Variants in RCOR2 observed in about 807,000 individuals in gnomAD.
The protein encoded by RCOR2 is REST corepressor 2.
RCOR2 carries 19 observed loss-of-function variants against 58.9 expected under a neutral mutation model. That is an observed-to-expected ratio of 0.32 (90% CI 0.23 to 0.47). RCOR2 has a LOEUF of 0.47. RCOR2 is among the 20% of genes least tolerant of loss of function. RCOR2 has a pLI of 1.00. For synonymous variants in RCOR2, 286 were observed against 278.7 expected (o/e 1.03, Z -0.26); for missense variants, 590 against 707.9 (o/e 0.83, Z 1.89).
At chr11:63,918,564 G>A (rs146118396), upstream of RCOR2, among the ~76,000 whole-genome samples, 147 of 152,320 alleles carry the variant, frequency 9.7e-4, no homozygotes, top group Non-Finnish European at 1.7e-3. Context: ...TCTGGACAAA[G>A]GAGAATGAAT....
At position 63,911,317 on chromosome 11, in the gene RCOR2, C is replaced by G. The variant is rs1002761282; in HGVS notation, c.*548G>C. 6.6e-6 allele frequency: 1 copy of G among 152,350 alleles called. No homozygotes were observed. Among genetic ancestry groups the G allele is most frequent in the African/African-American group, 2.4e-5 (1 of 41,426 alleles). 9.4% of individuals were successfully genotyped at this position (152,350 alleles called of 1,614,324 possible). ...TCCCAACCCCCATTTCTCCAAGTTT[C>G]TGGAAGGTGGGCTTGGTGGGCACCC... is the stretch of plus-strand genomic sequence containing the variant. On this transcript the variant is annotated 3_prime_UTR_variant, in exon 12 of 12. Coordinates refer to ENST00000301459, the MANE Select transcript of RCOR2 (RefSeq NM_173587.4).
rs910630414 is a variant in RCOR2, at chr11:63,917,078, TC to T, written c.-623del. ...CAGCCGCGGGTGCCGCCTCGCACCC[TC>T]CCCGGCGCGCTCGCTCTCCCCGCCG... is the stretch of plus-strand genomic sequence containing the variant. On this transcript the variant is annotated 5_prime_UTR_variant, in exon 1 of 12. Transcript: ENST00000301459. Among the ~76,000 whole-genome samples the T allele has an allele frequency of 2.0e-5, 3 of 150,694 alleles. No individual in the cohort carries two copies. In the East Asian group the frequency reaches 5.8e-4, roughly 29 times the overall value.
chr11:63,920,098 C>T (rs1436347340), upstream of RCOR2, among the ~76,000 whole-genome samples: 1 of 152,246 alleles, frequency 6.6e-6, no homozygotes, highest in Non-Finnish European at 1.5e-5. Flanking sequence ...GTGGTGGTTT[C>T]CTTGCCTGTC....
chr11:63,917,280 G>C (rs1255294930), upstream of RCOR2, among the ~76,000 whole-genome samples: 3 of 148,792 alleles, frequency 2.0e-5, no homozygotes, highest in Admixed American at 2.0e-4. Context: ...GGGGGGCGGG[G>C]CCAGGGGGCC....
In RCOR2 at chr11:63,912,855, A is replaced by T; in HGVS notation, c.969+15T>A. Reference sequence around the variant, plus strand: ...GAAACCCCCCTTTGCACCCTAACTTAAAGAGCAGCCATACCTCCGGGGGGC... The same window carrying T: ...GAAACCCCCCTTTGCACCCTAACTTTAAGAGCAGCCATACCTCCGGGGGGC... On this transcript the variant is annotated intron_variant, in intron 9 of 11. Coordinates refer to ENST00000301459, the MANE Select transcript of RCOR2 (RefSeq NM_173587.4). 2 of 1,613,222 alleles carry T rather than the reference A, an allele frequency of 1.2e-6. No homozygotes were observed. The highest frequency in any genetic ancestry group is 1.7e-6 in the Non-Finnish European group (2 of 1,179,522).
In RCOR2 at chr11:63,912,017, G is replaced by A. The variant is rs778402351; in HGVS notation, c.1420C>T (p.Arg474Cys). Residue 474 changes from arginine to cysteine, a missense_variant, in exon 12 of 12, where the codon CGC becomes TGC. Physicochemically the swap from Arg to Cys is radical, Grantham distance 180. Transcript: ENST00000301459. ...GGGGCCAGCCGGGGCTGGAGGAAGC[G>A]GCCCTGCTGCAGTGGGGGTGGCTGT... ...LRQPPPLQQG[R>C]FLQPRLAPNQ... 4.7e-5 allele frequency: 69 copies of A among 1,458,988 alleles called. No individual in the cohort carries two copies. Among genetic ancestry groups the A allele is most frequent in the Non-Finnish European group, 5.8e-5 (64 of 1,110,232 alleles). 90.4% of individuals were successfully genotyped at this position (1,458,988 alleles called of 1,614,324 possible).
Position 63,914,935 on chromosome 11 carries a change from C to T in RCOR2, c.285G>A (p.Met95Ile). The T allele has an allele frequency of 1.2e-6, 2 of 1,613,934 alleles. No homozygotes were observed. Among genetic ancestry groups the T allele is most frequent in the Middle Eastern group, 1.6e-4 (1 of 6,062 alleles). ...SDAKLDKYIAMAKEKHGYNIE... is the reference protein window; with the variant it reads ...SDAKLDKYIAIAKEKHGYNIE... ...TGTTGTAGCCATGCTTCTCCTTGGC[C>T]ATCGCAATGTACTTGTCAACTGCAG... The change falls in exon 4 of 12, where the codon ATG (methionine) becomes ATA (isoleucine). Residue 95 changes from methionine to isoleucine, a missense_variant. Physicochemically the swap from Met to Ile is conservative, Grantham distance 10. Transcript: ENST00000301459.
In RCOR2 at chr11:63,914,522, G is replaced by A; in HGVS notation, c.500C>T (p.Pro167Leu). 6.2e-7 allele frequency: 1 copy of A among 1,613,744 alleles called. No individual in the cohort carries two copies. Residue 167 changes from proline (P) to leucine (L), a missense_variant, in exon 6 of 12, where the codon CCC becomes CTC. Around this residue, in one of 3 missense-constraint regions of RCOR2, gnomAD observed 390 missense variants for 478.7 expected, o/e 0.81. Transcript: ENST00000301459. Reference sequence around the variant, plus strand: ...AGAGTAGTAGTATTTCACCAGGCTGGGAATCAACTTGTCAGGCAGCTGGAG... The same window carrying A: ...AGAGTAGTAGTATTTCACCAGGCTGAGAATCAACTTGTCAGGCAGCTGGAG... Reference protein sequence around the residue: ...IQQMLPDKLIPSLVKYYYSWK... With the variant: ...IQQMLPDKLILSLVKYYYSWK...
chr11:63,924,070 G>A, the RCOR2 span, among the ~76,000 whole-genome samples: 6,321 of 152,026 alleles, frequency 0.042, 438 homozygotes, highest in African/African-American at 0.14. Context: ...TACCACGCCC[G>A]GCTAATTTTG....
In RCOR2 at chr11:63,913,943, C is replaced by T; in HGVS notation, c.891+11G>A. The T allele has an allele frequency of 6.2e-7, 1 of 1,613,008 alleles. No homozygotes were observed. Among genetic ancestry groups the T allele is most frequent in the East Asian group, 2.2e-5 (1 of 44,880 alleles). ...ACCTTTGCATAGCCCGTTCATTTCC[C>T]AGGGCCCCACCTGGCGCTTGAGGGA... On this transcript the variant is annotated intron_variant, in intron 8 of 11. Transcript: ENST00000301459.
chr11:63,914,251 G>A lies in RCOR2; in HGVS notation c.675+10C>T, dbSNP rs778499863. On this transcript the variant is annotated intron_variant, in intron 7 of 11. Coordinates refer to ENST00000301459, the MANE Select transcript of RCOR2 (RefSeq NM_173587.4). ...CAGGCAGGCAGGGCCCAGAGGCTCTGGGAGCTCACCTCTCTCTTGGGATCT... is the reference window on the plus strand; with the variant it reads ...CAGGCAGGCAGGGCCCAGAGGCTCTAGGAGCTCACCTCTCTCTTGGGATCT... 1 of 1,613,372 alleles carries A rather than the reference G, an allele frequency of 6.2e-7. No homozygotes were observed. The highest frequency in any genetic ancestry group is 1.1e-5 in the South Asian group (1 of 91,076).
intron 8 of RCOR2, among the ~76,000 whole-genome samples, chr11:63,913,162 T>TATATA (rs1491119458): frequency 1.3e-4 from 9 of 68,232 alleles, no homozygotes; most frequent in African/African-American, 3.4e-4. Flanking sequence ...TTTTTATTTT[T>TATATA]TATATATATA....
At chr11:63,917,254 G>A (rs1232159554), upstream of RCOR2, among the ~76,000 whole-genome samples, 1 of 152,028 alleles carries the variant, frequency 6.6e-6, no homozygotes, top group Non-Finnish European at 1.5e-5. Flanking sequence ...TGGCCCTGGG[G>A]TGGGAGGGAG....
intron 1 of RCOR2, among the ~76,000 whole-genome samples, chr11:63,915,856 T>C (rs1041948369): frequency 6.6e-6 from 1 of 152,140 alleles, no homozygotes; most frequent in African/African-American, 2.4e-5. Flanking sequence ...GGGACAGTTT[T>C]AGAGCCCAGG....
chr11:63,912,286 TC>T lies in RCOR2; in HGVS notation c.1257+18del. 1 of 1,598,408 alleles carries T rather than the reference TC, an allele frequency of 6.3e-7. No individual in the cohort carries two copies. The highest frequency in any genetic ancestry group is 8.6e-7 in the Non-Finnish European group (1 of 1,166,734). Reference sequence around the variant, plus strand: ...CCTCGCCTCTCCTCTCTGAGGGGTTTCTCTCACCCCCTTCTCACCTCATCAT... The same window carrying T: ...CCTCGCCTCTCCTCTCTGAGGGGTTTTCTCACCCCCTTCTCACCTCATCAT... On this transcript the variant is annotated intron_variant, in intron 11 of 11. Coordinates refer to ENST00000301459, the MANE Select transcript of RCOR2 (RefSeq NM_173587.4).
In RCOR2 at chr11:63,911,982, G is replaced by A. The variant is rs527731383; in HGVS notation, c.1455C>T (p.Pro485=). ...FLQPRLAPNQ[P]PPPLIRPALA... ...GAGCGGGGCGGATGAGAGGCGGTGG[G>A]GGCTGGTTGGGGGCCAGCCGGGGCT... The change falls in exon 12 of 12, where the codon CCC becomes CCT. Residue 485 remains proline (P), a synonymous_variant. Coordinates refer to ENST00000301459, the MANE Select transcript of RCOR2 (RefSeq NM_173587.4). The A allele has an allele frequency of 4.5e-4, 611 of 1,348,980 alleles. 4 individuals are homozygous for A. The highest frequency in any genetic ancestry group is 2.1e-3 in the Admixed American group (74 of 34,598). 83.6% of individuals were successfully genotyped at this position (1,348,980 alleles called of 1,614,324 possible).
chr11:63,920,650 G>C (rs1941909870), upstream of RCOR2, among the ~76,000 whole-genome samples: 1 of 152,116 alleles, frequency 6.6e-6, no homozygotes, highest in African/African-American at 2.4e-5. Flanking sequence ...TGCTTCCATC[G>C]ACTGGGGGCC....
At chr11:63,912,636 G>C (rs1941788328) in intron 10 of RCOR2, 40 bp downstream of exon 10, 1 of 1,608,588 alleles carries the variant, frequency 6.2e-7, no homozygotes, top group South Asian at 1.1e-5. Flanking sequence ...TGGGGAGATA[G>C]ATTCCTGGGG....
Position 63,912,710 on chromosome 11 carries a change from G to A in RCOR2, c.993C>T (p.Arg331=), listed in dbSNP as rs765541857. The part of the protein sequence containing the change: ...PPEANTKFNS[R]WTTDEQLLAV... ...CCAAAAGCTGCTCATCTGTGGTCCA[G>A]CGGGAGTTGAACTTGGTGTTGGCCT... Residue 331 remains arginine (R), a synonymous_variant, in exon 10 of 12, where the codon CGC becomes CGT. Coordinates refer to ENST00000301459, the MANE Select transcript of RCOR2 (RefSeq NM_173587.4). 1 of 1,614,108 alleles carries A rather than the reference G, an allele frequency of 6.2e-7. No individual in the cohort carries two copies. Among genetic ancestry groups the A allele is most frequent in the African/African-American group, 1.3e-5 (1 of 75,008 alleles).
Sources: gnomAD v4.1 joint callset for allele counts (sites outside exome capture counted in the v4.1 genomes callset) on GRCh38, gnomAD v4.1.1 for gene constraint, gnomAD v4.1.1 regional missense constraint, MANE v1.5 for transcripts, NCBI Gene and HGNC (gene_info 2026-07-23, HGNC 2026-07-21) for gene names.